TBL1XR1: variants seen among roughly 807,000 people sequenced by gnomAD.
TBL1XR1 encodes F-box-like/WD repeat-containing protein TBL1XR1.
TBL1XR1 carries 5 observed loss-of-function variants against 66.9 expected under a neutral mutation model. The ratio of observed to expected loss-of-function variants is 0.07; its 90% CI spans 0.04 to 0.16. The LOEUF (loss-of-function observed/expected upper bound fraction) is 0.16, where lower values mean the gene tolerates loss of function less well. Among genes scored for constraint, TBL1XR1 ranks in the 10% least tolerant of loss-of-function variants. The pLI is 1.00. For synonymous variants in TBL1XR1, 210 were observed against 206.0 expected (o/e 1.02, Z -0.17); for missense variants, 238 against 623.2 (o/e 0.38, Z 6.58).
chr3:177,021,192 G>A lies in TBL1XR1; in HGVS notation c.*4306C>T, dbSNP rs1432983772. 6.6e-6 allele frequency: 1 copy of A among 152,406 alleles called. No individual in the cohort carries two copies. The highest frequency in any genetic ancestry group is 1.9e-4 in the East Asian group (1 of 5,196). The allele number at this position is 152,406 out of a possible 1,614,324, so 9.4% of individuals were successfully genotyped here. ...AAAATGGAAACAGTATAGCTACAAT[G>A]TCAAAGTCAGGAAAGAAGAAAATTT... On this transcript the variant is annotated 3_prime_UTR_variant, in exon 16 of 16. Transcript: ENST00000457928.
chr3:177,189,756 T>G lies in TBL1XR1; in HGVS notation c.-122+7365A>C, dbSNP rs1381084658. 3.9e-4 allele frequency among the ~76,000 whole-genome samples: 59 copies of G among 152,016 alleles called. 1 individual carries two copies. The highest frequency in any genetic ancestry group is 3.7e-3 in the Admixed American group (57 of 15,262). On this transcript the variant is annotated intron_variant, in intron 1 of 15. Coordinates refer to ENST00000457928, the MANE Select transcript of TBL1XR1 (RefSeq NM_024665.7). ...GCACAGTCTTACCATAAAAATTTAC[T>G]GAAGGGAGATGGTTAAGAGACATTC...
At chr3:177,187,390 CAAAAAA>C (rs57592940) in intron 1 of TBL1XR1, among the ~76,000 whole-genome samples, 1 of 68,676 alleles carries the variant, frequency 1.5e-5, no homozygotes, top group Admixed American at 1.6e-4. Flanking sequence ...GACTCTATCT[CAAAAAA>C]AAAAAAAAAA....
At chr3:177,092,645 A>G (rs1397729271) in intron 2 of TBL1XR1, among the ~76,000 whole-genome samples, 1 of 152,206 alleles carries the variant, frequency 6.6e-6, no homozygotes, top group East Asian at 1.9e-4. Flanking sequence ...TCCAGTGTGT[A>G]GAACCCTGTT....
intron 2 of TBL1XR1, among the ~76,000 whole-genome samples, chr3:177,096,347 C>CACACACACACACACAA (rs1405227322): frequency 2.1e-4 from 32 of 152,128 alleles, no homozygotes; most frequent in African/African-American, 7.5e-4. Flanking sequence ...CACACACACA[C>CACACACACACACACAA]ACACACTTAA....
chr3:177,032,942 A>C (rs1714214244), intron 14 of TBL1XR1, 29 bp downstream of exon 14: 2 of 1,501,000 alleles, frequency 1.3e-6, no homozygotes, highest in East Asian at 4.7e-5. Flanking sequence ...ATTTAAGAGC[A>C]CTTGACCATT....
intron 12 of TBL1XR1, among the ~76,000 whole-genome samples, chr3:177,034,769 T>C (rs555072521): frequency 1.3e-5 from 2 of 148,646 alleles, no homozygotes; most frequent in African/African-American, 2.5e-5. Flanking sequence ...CCGTAAAAAG[T>C]AGCATAGGAA....
intron 1 of TBL1XR1, among the ~76,000 whole-genome samples, chr3:177,176,131 A>T (rs1039782809): frequency 6.6e-6 from 1 of 152,274 alleles, no homozygotes; most frequent in East Asian, 1.9e-4. Flanking sequence ...GGGAAAATTT[A>T]AAAAGTAAAA....
At chr3:177,186,416 G>C (rs1306753740) in intron 1 of TBL1XR1, among the ~76,000 whole-genome samples, 1 of 152,066 alleles carries the variant, frequency 6.6e-6, no homozygotes, top group African/African-American at 2.4e-5. Context: ...AAAAAGAAAA[G>C]ATAAATTCAT....
At chr3:177,069,807 AG>A (rs1433883292) in intron 2 of TBL1XR1, among the ~76,000 whole-genome samples, 10 of 126,474 alleles carry the variant, frequency 7.9e-5, no homozygotes, top group African/African-American at 2.9e-4. Context: ...GAAGGAAGGA[AG>A]GAAGGAAGGA....
chr3:177,120,868 C>T (rs1209719311), intron 1 of TBL1XR1: 1 of 152,190 alleles, frequency 6.6e-6, no homozygotes, highest in Non-Finnish European at 1.5e-5. Context: ...GTCTCATTTA[C>T]TCCTAACAAC....
At chr3:177,143,842 A>G (rs1478672889) in intron 1 of TBL1XR1, among the ~76,000 whole-genome samples, 2 of 152,244 alleles carry the variant, frequency 1.3e-5, no homozygotes, top group Admixed American at 1.3e-4. Context: ...GTGACTAAAG[A>G]AAACAACGCT....
intron 1 of TBL1XR1, among the ~76,000 whole-genome samples, chr3:177,122,963 AAGTC>A (rs1336752090): frequency 1.3e-5 from 2 of 152,110 alleles, no homozygotes; most frequent in East Asian, 1.9e-4. Flanking sequence ...ATTATGAAAA[AAGTC>A]AGCCACAGAA....
intron 12 of TBL1XR1, among the ~76,000 whole-genome samples, chr3:177,037,082 G>T (rs897488753): frequency 6.6e-6 from 1 of 152,132 alleles, no homozygotes; most frequent in African/African-American, 2.4e-5. Flanking sequence ...GTGGATGTTG[G>T]TATGTCAACT....
chr3:177,088,264 G>A (rs944890979), intron 2 of TBL1XR1, among the ~76,000 whole-genome samples: 10 of 151,902 alleles, frequency 6.6e-5, no homozygotes, highest in African/African-American at 2.2e-4. Flanking sequence ...GTGACATAAC[G>A]CCATGAGCAG....
At chr3:177,093,182 G>A (rs1252028427) in intron 2 of TBL1XR1, among the ~76,000 whole-genome samples, 1 of 152,084 alleles carries the variant, frequency 6.6e-6, no homozygotes, top group Non-Finnish European at 1.5e-5. Context: ...ACCAAGTGGA[G>A]AATCAAACCA....
chr3:177,026,126 G>C, intron 15 of TBL1XR1: 1 of 485,026 alleles, frequency 2.1e-6, no homozygotes. Context: ...TTTCATAAAT[G>C]AAGGTTCATA....
chr3:177,068,500 G>T (rs1372298584), intron 2 of TBL1XR1, among the ~76,000 whole-genome samples: 1 of 152,154 alleles, frequency 6.6e-6, no homozygotes, highest in East Asian at 1.9e-4. Flanking sequence ...CAATAATTCA[G>T]CAAATATTAC....
Position 177,047,769 on chromosome 3 carries a change from A to G in TBL1XR1, c.703-220T>C, listed in dbSNP as rs889490789. The G allele has an allele frequency of 7.6e-6, 4 of 527,446 alleles. No individual in the cohort carries two copies. The African/African-American group carries it at 7.6e-5, about 10-fold the overall frequency. 32.7% of individuals were successfully genotyped at this position (527,446 alleles called of 1,614,324 possible). On this transcript the variant is annotated intron_variant, in intron 7 of 15. Transcript: ENST00000457928. The stretch of plus-strand genomic sequence containing the variant: ...ATGGGGGCCTTATATCCAAAGTTCA[A>G]CAACTGACAGTGATTGCTCTGGACC...
chr3:177,088,444 CATT>C (rs1722424989), intron 2 of TBL1XR1, among the ~76,000 whole-genome samples: 1 of 152,150 alleles, frequency 6.6e-6, no homozygotes, highest in Non-Finnish European at 1.5e-5. Flanking sequence ...CAAGATATCT[CATT>C]ATAGATATGC....
Sources: gnomAD v4.1 joint callset for allele counts (sites outside exome capture counted in the v4.1 genomes callset) on GRCh38, gnomAD v4.1.1 for gene constraint, MANE v1.5 for transcripts, NCBI Gene and HGNC (gene_info 2026-07-23, HGNC 2026-07-21) for gene names.